Variants in PCDHGA4 observed in about 807,000 individuals in gnomAD.
PCDHGA4 encodes the protein protocadherin gamma subfamily A, 4, also known as protocadherin gamma-A4.
Under a neutral mutation model 54.6 loss-of-function variants are expected in PCDHGA4, and 38 were observed. The observed-to-expected ratio is 0.70, with a 90% CI of 0.54 to 0.91. PCDHGA4 has a LOEUF of 0.91. PCDHGA4 is among the 40% of genes least tolerant of loss of function. The pLI is 0.00. For missense variants in PCDHGA4, 1,298 were observed against 1,220.9 expected (o/e 1.06, Z -0.94); for synonymous variants, 511 against 512.9 (o/e 1.00, Z 0.05).
In PCDHGA4 at chr5:141,355,221, C is replaced by T. The variant is rs756437082; in HGVS notation, c.114C>T (p.Arg38=). The change falls in exon 1 of 4, where the codon CGC becomes CGT. Residue 38 remains arginine (R), a synonymous_variant. Coordinates refer to ENST00000571252, the MANE Select transcript of PCDHGA4 (RefSeq NM_018917.4). ...GGVVMAAPPA[R]PDHTRLLQIC... ...TTGTAATGGCGGCGCCTCCTGCTCGCCCAGACCACACCCGGCTGCTCCAGA... is the reference window on the plus strand; with the variant it reads ...TTGTAATGGCGGCGCCTCCTGCTCGTCCAGACCACACCCGGCTGCTCCAGA... The T allele has an allele frequency of 1.1e-5, 18 of 1,608,638 alleles. No homozygotes were observed. The highest frequency in any genetic ancestry group is 4.0e-5 in the African/African-American group (3 of 74,820).
intron 1 of PCDHGA4, chr5:141,398,966 C>T: frequency 6.2e-7 from 1 of 1,613,962 alleles, no homozygotes; most frequent in Non-Finnish European, 8.5e-7. Flanking sequence ...ATTACTTATT[C>T]CTTCTACAGA....
At chr5:141,408,947 ATTAGTC>A in intron 1 of PCDHGA4, 6 of 1,613,666 alleles carry the variant, frequency 3.7e-6, no homozygotes, top group Non-Finnish European at 5.1e-6. Context: ...CGAATATAGA[ATTAGTC>A]TTAGTGAAAA....
rs138070043 is a variant in PCDHGA4, at chr5:141,512,950, AAAT to A, written c.*1783_*1785del. 5,271 of 152,332 alleles carry A rather than the reference AAAT, an allele frequency of 0.035. 119 individuals carry two copies. The highest frequency in any genetic ancestry group is 0.075 in the South Asian group (360 of 4,826). The allele number at this position is 152,332 out of a possible 1,614,324, so 9.4% of individuals were successfully genotyped here. On this transcript the variant is annotated 3_prime_UTR_variant, in exon 4 of 4. Coordinates refer to ENST00000571252, the MANE Select transcript of PCDHGA4 (RefSeq NM_018917.4). ...ATATGGCTTTTTTTCTTCGACAAAA[AAAT>A]AATAAAACGTTTCTTCTGAAAAGCT...
chr5:141,393,464 C>T (rs1264655164), intron 1 of PCDHGA4: 10 of 1,613,912 alleles, frequency 6.2e-6, no homozygotes, highest in African/African-American at 2.7e-5. Context: ...CCTCGGATGG[C>T]GGCAAGCCGC....
chr5:141,440,671 T>C (rs2098194169), intron 1 of PCDHGA4: 1 of 152,210 alleles, frequency 6.6e-6, no homozygotes, highest in African/African-American at 2.4e-5. Context: ...CAACTCTATA[T>C]TTCTCTTTGA....
intron 1 of PCDHGA4, chr5:141,364,297 C>A: frequency 6.6e-7 from 1 of 1,520,028 alleles, no homozygotes; most frequent in Non-Finnish European, 8.8e-7. Context: ...CAGGCTGAAC[C>A]AGAACTAAGA....
In PCDHGA4 at chr5:141,366,878, A is replaced by AT. The variant is rs994289295; in HGVS notation, c.2514+9265dup. ...ACATTATTTGCTGTATTGGAGATTAATTTTTTTTATATAATTCATGCTTTC... is the reference window on the plus strand; with the variant it reads ...ACATTATTTGCTGTATTGGAGATTAATTTTTTTTTATATAATTCATGCTTTC... On this transcript the variant is annotated intron_variant, in intron 1 of 3. Coordinates refer to ENST00000571252, the MANE Select transcript of PCDHGA4 (RefSeq NM_018917.4). 4.5e-5 allele frequency: 61 copies of AT among 1,341,282 alleles called. No individual in the cohort carries two copies. The Admixed American group carries it at 4.7e-4, about 10-fold the overall frequency. 83.1% of individuals were successfully genotyped at this position (1,341,282 alleles called of 1,614,324 possible).
At position 141,356,613 on chromosome 5, in the gene PCDHGA4, C is replaced by T. The variant is rs756162558; in HGVS notation, c.1506C>T (p.Ile502=). The change falls in exon 1 of 4, where the codon ATC becomes ATT. Residue 502 remains isoleucine (I), a synonymous_variant. Transcript: ENST00000571252. ...IPENNPRGAS[I]LSMTAQDPDS... is the part of the protein sequence containing the mutation. ...AAAACAACCCCAGAGGAGCCTCCAT[C>T]TTATCTATGACTGCTCAAGACCCTG... is the stretch of plus-strand genomic sequence containing the variant. 5 of 1,614,220 alleles carry T rather than the reference C, an allele frequency of 3.1e-6. No homozygotes were observed. In the Admixed American group the frequency reaches 6.7e-5, roughly 22 times the overall value.
intron 1 of PCDHGA4, chr5:141,372,856 A>T (rs1769134013): frequency 6.9e-7 from 1 of 1,445,570 alleles, no homozygotes; most frequent in Admixed American, 2.4e-5. Flanking sequence ...TTGGGTTTCA[A>T]TTCATTGATT....
Position 141,357,216 on chromosome 5 carries a change from G to C in PCDHGA4, c.2109G>C (p.Leu703=). Residue 703 remains leucine, a synonymous_variant, in exon 1 of 4, where the codon CTG becomes CTC. Coordinates refer to ENST00000571252, the MANE Select transcript of PCDHGA4 (RefSeq NM_018917.4). ...TGGCCGACAGCATCCCAGATGTCCT[G>C]GCTGACTTGGGCAGCCTCAAGCCTT... ...VAVADSIPDV[L]ADLGSLKPSA... is the part of the protein sequence containing the mutation. The C allele has an allele frequency of 6.2e-7, 1 of 1,613,840 alleles. No individual in the cohort carries two copies. The highest frequency in any genetic ancestry group is 8.5e-7 in the Non-Finnish European group (1 of 1,179,864).
chr5:141,374,627 G>A (rs955993144), intron 1 of PCDHGA4: 2 of 1,613,064 alleles, frequency 1.2e-6, no homozygotes, highest in African/African-American at 1.3e-5. Flanking sequence ...CTCAGTGGAC[G>A]TGCAAAGCGA....
rs750014647 is a variant in PCDHGA4, at chr5:141,426,649, T to C, written c.2515-68158T>C. 53 of 418,716 alleles carry C rather than the reference T, an allele frequency of 1.3e-4. 1 individual carries two copies. Among genetic ancestry groups the C allele is most frequent in the South Asian group, 6.9e-4 (42 of 60,762 alleles). The allele number at this position is 418,716 out of a possible 1,614,324, so 25.9% of individuals were successfully genotyped here. On this transcript the variant is annotated intron_variant, in intron 1 of 3. Coordinates refer to ENST00000571252, the MANE Select transcript of PCDHGA4 (RefSeq NM_018917.4). Reference sequence around the variant, plus strand: ...AATGTTTTTCACATAAATGTGATGATAGAAGATATAAATGATAACCCACCT... The same window carrying C: ...AATGTTTTTCACATAAATGTGATGACAGAAGATATAAATGATAACCCACCT...
Position 141,486,617 on chromosome 5 carries a change from C to G in PCDHGA4, c.2515-8190C>G. ...GCTTTGCTCCCTTGCAGCCTCTGAC[C>G]CAGACTCTGGCTTGAATGCGCTTAT... On this transcript the variant is annotated intron_variant, in intron 1 of 3. Transcript: ENST00000571252. This position sits in a 1 kb window ranked among gnomAD's most constrained non-coding sequence, Gnocchi z 5.0. 1 of 1,613,602 alleles carries G rather than the reference C, an allele frequency of 6.2e-7. No homozygotes were observed. Among genetic ancestry groups the G allele is most frequent in the South Asian group, 1.1e-5 (1 of 91,086 alleles).
chr5:141,367,062 T>C (rs1420841917), intron 1 of PCDHGA4: 1 of 308,254 alleles, frequency 3.2e-6, no homozygotes, highest in East Asian at 7.5e-5. Context: ...ATGTTTTATT[T>C]ATTCAAATTG....
intron 1 of PCDHGA4, chr5:141,393,244 A>C: frequency 6.2e-7 from 1 of 1,613,840 alleles, no homozygotes; most frequent in Non-Finnish European, 8.5e-7. Flanking sequence ...AAAATTAACG[A>C]AATCGCGGTT....
chr5:141,371,193 A>T, intron 1 of PCDHGA4: 1 of 1,614,034 alleles, frequency 6.2e-7, no homozygotes. Flanking sequence ...AGTGATGGCC[A>T]TTGACATGGA....
chr5:141,423,744 A>T, intron 1 of PCDHGA4: 4 of 429,458 alleles, frequency 9.3e-6, no homozygotes, highest in Non-Finnish European at 8.7e-6. Context: ...TGTTATGAAA[A>T]CTGTTTGGGG....
chr5:141,490,061 A>G lies in PCDHGA4; in HGVS notation c.2515-4746A>G, dbSNP rs1562135413. On this transcript the variant is annotated intron_variant, in intron 1 of 3. Transcript: ENST00000571252. This position sits in a 1 kb window ranked among gnomAD's most constrained non-coding sequence, Gnocchi z 5.4. Reference sequence around the variant, plus strand: ...GCCACTGATCCAGACGAGGGCACCAACGGCCAACTAGACTATTCTTTTGGA... The same window carrying G: ...GCCACTGATCCAGACGAGGGCACCAGCGGCCAACTAGACTATTCTTTTGGA... 1.2e-6 allele frequency: 2 copies of G among 1,614,214 alleles called. No individual in the cohort carries two copies. Among genetic ancestry groups the G allele is most frequent in the East Asian group, 2.2e-5 (1 of 44,884 alleles).
chr5:141,424,169 A>G (rs542346399), intron 1 of PCDHGA4: 20 of 225,850 alleles, frequency 8.9e-5, no homozygotes, highest in Middle Eastern at 2.3e-3. Context: ...TCATCTATCT[A>G]TCTATACACA....
Sources: gnomAD v4.1 joint callset for allele counts on GRCh38, gnomAD v4.1.1 for gene constraint, Gnocchi (gnomAD v3.1) non-coding constraint, MANE v1.5 for transcripts, NCBI Gene and HGNC (gene_info 2026-07-23, HGNC 2026-07-21) for gene names.